RYR3: variants seen among roughly 807,000 people sequenced by gnomAD.
RYR3 encodes the protein ryanodine receptor 3.
Under a neutral mutation model 584.3 loss-of-function variants are expected in RYR3, and 207 were observed. The observed-to-expected ratio is 0.35, with a 90% CI of 0.32 to 0.40. RYR3 has a LOEUF of 0.40. RYR3 is among the 10% of genes least tolerant of loss of function. The probability of loss-of-function intolerance (pLI) is 1.00; values close to 1 mark genes in which losing one functional copy is unlikely to be tolerated. For synonymous variants in RYR3, 2,416 were observed against 2,248.5 expected (o/e 1.07, Z -2.11); for missense variants, 5,616 against 6,089.2 (o/e 0.92, Z 2.59).
intron 37 of RYR3, among the ~76,000 whole-genome samples, chr15:33,669,857 GGTGTGGGT>G (rs2063727760): frequency 1.5e-4 from 9 of 60,252 alleles, no homozygotes; most frequent in African/African-American, 6.2e-4. Context: ...GGGGGGGGGG[GGTGTGGGT>G]GTGTGGGTGT....
chr15:33,527,349 G>A (rs928774773), intron 3 of RYR3, among the ~76,000 whole-genome samples: 12 of 152,208 alleles, frequency 7.9e-5, no homozygotes, highest in Non-Finnish European at 1.8e-4. Flanking sequence ...GGGAGGCTGA[G>A]GTAGGTGGAT....
Position 33,625,247 on chromosome 15 carries a change from G to C in RYR3, c.2574+1224G>C, listed in dbSNP as rs1045281226. On this transcript the variant is annotated intron_variant, in intron 20 of 103. Coordinates refer to ENST00000634891, the MANE Select transcript of RYR3 (RefSeq NM_001036.6). ...ATTATGAGGACAGCAAGGGGGGAAGGCTGCCCCTATGATCAAATCACTTCC... is the reference window on the plus strand; with the variant it reads ...ATTATGAGGACAGCAAGGGGGGAAGCCTGCCCCTATGATCAAATCACTTCC... 2.0e-5 allele frequency among the ~76,000 whole-genome samples: 3 copies of C among 152,002 alleles called. 1 individual carries two copies. The highest frequency in any genetic ancestry group is 2.0e-4 in the Admixed American group (3 of 15,270).
At chr15:33,473,058 T>C (rs1450586558) in intron 1 of RYR3, among the ~76,000 whole-genome samples, 1 of 152,194 alleles carries the variant, frequency 6.6e-6, no homozygotes, top group Non-Finnish European at 1.5e-5. Flanking sequence ...CCTATCTTAT[T>C]GTTTTATTCT....
chr15:33,694,911 GT>G (rs1212827525), intron 38 of RYR3, among the ~76,000 whole-genome samples: 1 of 152,120 alleles, frequency 6.6e-6, no homozygotes, highest in African/African-American at 2.4e-5. Flanking sequence ...TTACATCTAG[GT>G]CTCTTTTAAA....
In RYR3 at chr15:33,841,865, A is replaced by C; in HGVS notation, c.13039A>C (p.Met4347Leu). ...EGKVESEKAD[M>L]EDGEKEDKDK... Reference sequence around the variant, plus strand: ...TGAGTGGGTTTCCCATTTCTGCAGCATGGAAGATGGAGAGAAGGAAGACAA... The same window carrying C: ...TGAGTGGGTTTCCCATTTCTGCAGCCTGGAAGATGGAGAGAAGGAAGACAA... The change falls in exon 91 of 104, where the codon ATG (methionine) becomes CTG (leucine). Residue 4347 changes from methionine (M) to leucine (L), a missense_variant and splice_region_variant. Physicochemically the swap from Met to Leu is conservative, Grantham distance 15 (BLOSUM62 2). Around this residue, in one of 9 missense-constraint regions of RYR3, gnomAD observed 918 missense variants for 887.4 expected, o/e 1.03. Coordinates refer to ENST00000634891, the MANE Select transcript of RYR3 (RefSeq NM_001036.6). 3 of 1,588,440 alleles carry C rather than the reference A, an allele frequency of 1.9e-6. No homozygotes were observed. Among genetic ancestry groups the C allele is most frequent in the Non-Finnish European group, 2.6e-6 (3 of 1,167,394 alleles).
At chr15:33,852,035 A>C (rs2079156265) in intron 94 of RYR3, 1 of 152,014 alleles carries the variant, frequency 6.6e-6, no homozygotes, top group Admixed American at 6.6e-5. Flanking sequence ...TTTTTTAAAT[A>C]CTGCCACCCT....
chr15:33,819,720 A>T (rs1419869805), intron 76 of RYR3, 36 bp from the exon 77 acceptor site: 4 of 1,199,212 alleles, frequency 3.3e-6, no homozygotes, highest in East Asian at 2.7e-5. Flanking sequence ...ATAAATAAAT[A>T]AAAAGCCTGC....
intron 16 of RYR3, among the ~76,000 whole-genome samples, chr15:33,596,218 C>G (rs1286788523): frequency 6.7e-6 from 1 of 148,184 alleles, no homozygotes; most frequent in Non-Finnish European, 1.5e-5. Flanking sequence ...CTTTTTTTTT[C>G]TTTAACAATA....
At chr15:33,789,986 C>CTGTTTTTTTTTTTT (rs2075050477) in intron 67 of RYR3, among the ~76,000 whole-genome samples, 1 of 53,250 alleles carries the variant, frequency 1.9e-5, no homozygotes, top group Non-Finnish European at 3.1e-5. Context: ...GCCTGGCCTT[C>CTGTTTTTTTTTTTT]TTTTTTTTTT....
At chr15:33,444,513 A>T (rs1741315449) in intron 1 of RYR3, among the ~76,000 whole-genome samples, 1 of 152,172 alleles carries the variant, frequency 6.6e-6, no homozygotes, top group East Asian at 1.9e-4. Context: ...GATGAAGGAG[A>T]TGGAGCCTCC....
At chr15:33,365,499 A>G (rs922756911) in intron 1 of RYR3, among the ~76,000 whole-genome samples, 1 of 152,192 alleles carries the variant, frequency 6.6e-6, no homozygotes, top group Non-Finnish European at 1.5e-5. Context: ...CAGACAAGAT[A>G]CTAGGATAGA....
chr15:33,420,577 A>G (rs1318736673), intron 1 of RYR3, among the ~76,000 whole-genome samples: 2 of 152,168 alleles, frequency 1.3e-5, no homozygotes, highest in Non-Finnish European at 2.9e-5. Context: ...GACGAAGTTA[A>G]GGCACAAGAA....
rs762164986 is a variant in RYR3 at position 33,854,397 on chromosome 15, C to T, written c.13808C>T (p.Ser4603Phe). 13 of 1,573,490 alleles carry T rather than the reference C, an allele frequency of 8.3e-6. No homozygotes were observed. Among genetic ancestry groups the T allele is most frequent in the Non-Finnish European group, 1.1e-5 (13 of 1,157,628 alleles). ...EAASLVSWLS[S>F]IDMKYHIWKL... ...CACTTGTTCTTCTCTAGGCTAAGTT[C>T]CATAGACATGAAGTACCATATCTGG... The change falls in exon 97 of 104, where the codon TCC becomes TTC. Residue 4603 changes from serine to phenylalanine, a missense_variant. By Grantham distance (155) the Ser-to-Phe change is radical. Transcript: ENST00000634891.
In RYR3 at chr15:33,854,321, T is replaced by TC. The variant is rs529620220; in HGVS notation, c.13800-63dup. On this transcript the variant is annotated intron_variant, in intron 96 of 103. Coordinates refer to ENST00000634891, the MANE Select transcript of RYR3 (RefSeq NM_001036.6). ...AACCTGAGAGAAAAAACTTACTTTT[T>TC]CCCCCTTATTGAGCACTTAACTACC... The TC allele has an allele frequency of 1.6e-4, 211 of 1,330,152 alleles. 2 individuals carry two copies. In the South Asian group the frequency reaches 2.7e-3, roughly 17 times the overall value. The allele number at this position is 1,330,152 out of a possible 1,614,324, so 82.4% of individuals were successfully genotyped here. A position where few individuals can be genotyped will look rare whatever the true frequency, so the allele number is the denominator to read the frequency against.
chr15:33,854,789 T>C lies in RYR3; in HGVS notation c.13884T>C (p.Tyr4628=), dbSNP rs1236215905. 8 of 1,612,314 alleles carry C rather than the reference T, an allele frequency of 5.0e-6. No homozygotes were observed. In the East Asian group the frequency reaches 1.3e-4, roughly 27 times the overall value. The change falls in exon 98 of 104, where the codon TAT becomes TAC. Residue 4628 remains tyrosine (Y), a synonymous_variant. Coordinates refer to ENST00000634891, the MANE Select transcript of RYR3 (RefSeq NM_001036.6). The part of the protein sequence containing the change: ...TDNSFLYLAW[Y]TTMSVLGHYN... ...AGTCCTTTCTCTACCTTGCCTGGTATACAACCATGTCAGTCCTGGGCCACT... is the reference window on the plus strand; with the variant it reads ...AGTCCTTTCTCTACCTTGCCTGGTACACAACCATGTCAGTCCTGGGCCACT...
chr15:33,538,065 G>A (rs2055486405), intron 5 of RYR3, among the ~76,000 whole-genome samples: 1 of 151,450 alleles, frequency 6.6e-6, no homozygotes, highest in South Asian at 2.1e-4. Flanking sequence ...TAATATAGCT[G>A]TTTCATGAAT....
intron 18 of RYR3, among the ~76,000 whole-genome samples, chr15:33,612,657 G>A (rs1182859642): frequency 6.6e-6 from 1 of 152,222 alleles, no homozygotes; most frequent in Non-Finnish European, 1.5e-5. Context: ...ACTGTGCCCA[G>A]CCTATGTAGC....
intron 1 of RYR3, among the ~76,000 whole-genome samples, chr15:33,345,945 AGTTAT>A (rs1280700153): frequency 1.3e-5 from 2 of 152,164 alleles, no homozygotes; most frequent in Non-Finnish European, 2.9e-5. Flanking sequence ...ATAAAAATCT[AGTTAT>A]GTTCTATTTA....
In RYR3 at chr15:33,634,589, T is replaced by C; in HGVS notation, c.3031T>C (p.Leu1011=). 1 of 1,613,926 alleles carries C rather than the reference T, an allele frequency of 6.2e-7. No homozygotes were observed. ...TTTTTTCTCTGGCGTCACATAGGATTTGAAGAACAAAAGAAATCCCCGTCT... is the reference window on the plus strand; with the variant it reads ...TTTTTTCTCTGGCGTCACATAGGATCTGAAGAACAAAAGAAATCCCCGTCT... The part of the protein sequence containing the change: ...QGWTYGIQQD[L]KNKRNPRLVP... The change falls in exon 25 of 104, where the codon TTG becomes CTG. Residue 1011 remains leucine, a synonymous_variant. Coordinates refer to ENST00000634891, the MANE Select transcript of RYR3 (RefSeq NM_001036.6).
Sources: gnomAD v4.1 joint callset for allele counts (sites outside exome capture counted in the v4.1 genomes callset) on GRCh38, gnomAD v4.1.1 for gene constraint, gnomAD v4.1.1 regional missense constraint, MANE v1.5 for transcripts, NCBI Gene and HGNC (gene_info 2026-07-23, HGNC 2026-07-21) for gene names.